The following LRP2 variants were observed in gnomAD, a reference collection of about 807,000 sequenced individuals.
LRP2 encodes low-density lipoprotein receptor-related protein 2.
In LRP2, 172 loss-of-function variants were observed where a neutral mutation model predicts 531.0. That is an observed-to-expected ratio of 0.32 (90% CI 0.29 to 0.37). The LOEUF is 0.37. LRP2 is among the 10% of genes least tolerant of loss of function. LRP2 has a pLI of 1.00. For synonymous variants in LRP2, 1,992 were observed against 2,027.6 expected (o/e 0.98, Z 0.47); for missense variants, 5,167 against 5,868.3 (o/e 0.88, Z 3.90).
At position 169,274,961 on chromosome 2, in the gene LRP2, T is replaced by C. The variant is rs963961221; in HGVS notation, c.1975+75A>G. 5 of 1,441,144 alleles carry C rather than the reference T, an allele frequency of 3.5e-6. No individual in the cohort carries two copies. The South Asian group carries it at 5.8e-5, about 17-fold the overall frequency. 89.3% of individuals were successfully genotyped at this position (1,441,144 alleles called of 1,614,324 possible). On this transcript the variant is annotated intron_variant, in intron 14 of 78. Coordinates refer to ENST00000649046, the MANE Select transcript of LRP2 (RefSeq NM_004525.3). ...CAAATCACATAAGACCCCTCATTAT[T>C]AACTTTCAAAGCTTTGAGAAAACCT...
At chr2:169,321,589 A>AT (rs540981264) in intron 1 of LRP2, among the ~76,000 whole-genome samples, 62 of 152,092 alleles carry the variant, frequency 4.1e-4, no homozygotes, top group Middle Eastern at 3.4e-3. Context: ...TTTTTAAGTG[A>AT]TTTTTTATTA....
chr2:169,215,180 A>G (rs943344484), intron 35 of LRP2, among the ~76,000 whole-genome samples: 10 of 152,206 alleles, frequency 6.6e-5, no homozygotes, highest in African/African-American at 2.4e-4. Context: ...ATAGGTCCAT[A>G]TTCGGAGTGA....
intron 50 of LRP2, among the ~76,000 whole-genome samples, chr2:169,183,219 C>A (rs901462538): frequency 4.6e-5 from 7 of 152,192 alleles, no homozygotes; most frequent in South Asian, 4.1e-4. Context: ...AACAAGTACG[C>A]GCTTAACCAT....
rs181110439 is a variant in LRP2 at position 169,213,840 on chromosome 2, G to A, written c.5857C>T (p.Arg1953Ter). 6.2e-7 allele frequency: 1 copy of A among 1,613,508 alleles called. No homozygotes were observed. Among genetic ancestry groups the A allele is most frequent in the Non-Finnish European group, 8.5e-7 (1 of 1,179,606 alleles). Residue 1953 changes from arginine (R) to a stop codon, truncating the protein, a stop_gained, in exon 36 of 79, where the codon CGA (arginine) becomes TGA (stop). Coordinates refer to ENST00000649046, the MANE Select transcript of LRP2 (RefSeq NM_004525.3). LOFTEE classifies it high-confidence loss of function. The stretch of plus-strand genomic sequence containing the variant: ...GAAAGCTGGTGTACCAGGATCATTC[G>A]ATCTGTTCCATCCACGTTTCCTCTT... Reference protein sequence around the residue: ...IERGNVDGTDRMILVHQLSHP... With the variant: ...IERGNVDGTD
chr2:169,226,771 G>C (rs1036207298), intron 31 of LRP2, among the ~76,000 whole-genome samples, 183 bp from the exon 32 acceptor site: 1 of 152,074 alleles, frequency 6.6e-6, no homozygotes, highest in Non-Finnish European at 1.5e-5. Flanking sequence ...GTGGGCTGCT[G>C]GACCACAAGA....
intron 67 of LRP2, 114 bp from the exon 68 acceptor site, chr2:169,151,140 C>T (rs1006738): frequency 1.9e-6 from 2 of 1,058,594 alleles, no homozygotes; most frequent in African/African-American, 1.6e-5. Context: ...TGCTCAGATA[C>T]CTATCATCAG....
chr2:169,315,454 G>A (rs1023736524), intron 3 of LRP2, among the ~76,000 whole-genome samples: 1 of 152,124 alleles, frequency 6.6e-6, no homozygotes, highest in Non-Finnish European at 1.5e-5. Flanking sequence ...AGTCAGGTAG[G>A]CCAAAAGCAA....
intron 30 of LRP2, among the ~76,000 whole-genome samples, chr2:169,232,627 A>G (rs1346212527): frequency 3.3e-5 from 5 of 152,176 alleles, no homozygotes; most frequent in Admixed American, 1.3e-4. Context: ...AGAGCGGTCA[A>G]TGAGGGCCTC....
chr2:169,185,101 G>A (rs914697628), intron 50 of LRP2, among the ~76,000 whole-genome samples: 2 of 152,274 alleles, frequency 1.3e-5, no homozygotes, highest in Non-Finnish European at 2.9e-5. Context: ...CTTCAGGAGA[G>A]CAAGGGCCAT....
At chr2:169,315,853 G>A (rs1684745155) in intron 3 of LRP2, among the ~76,000 whole-genome samples, 1 of 150,980 alleles carries the variant, frequency 6.6e-6, no homozygotes, top group Admixed American at 6.6e-5. Context: ...GTCAGACATG[G>A]TGGCTCACAC....
rs563877903 is a variant in LRP2, at chr2:169,200,166, G to A, written c.8453-1255C>T. Among the ~76,000 whole-genome samples, 5 of 152,152 alleles carry A rather than the reference G, an allele frequency of 3.3e-5. No individual in the cohort carries two copies. In the South Asian group the frequency reaches 1.0e-3, roughly 31 times the overall value. On this transcript the variant is annotated intron_variant, in intron 44 of 78. Transcript: ENST00000649046. ...CCCGGGAGGCTGAGGCAGGAGAATGGCGTGAACCCGGGAGGCAGAGCTTGC... is the reference window on the plus strand; with the variant it reads ...CCCGGGAGGCTGAGGCAGGAGAATGACGTGAACCCGGGAGGCAGAGCTTGC...
chr2:169,273,295 A>T (rs1187279599), intron 14 of LRP2, among the ~76,000 whole-genome samples: 1 of 152,098 alleles, frequency 6.6e-6, no homozygotes, highest in Non-Finnish European at 1.5e-5. Context: ...CGGTGGCAAA[A>T]AAAAAGAAAG....
chr2:169,348,619 C>T (rs1001208711), intron 1 of LRP2, among the ~76,000 whole-genome samples: 2 of 152,182 alleles, frequency 1.3e-5, no homozygotes, highest in Non-Finnish European at 2.9e-5. Context: ...AACACGAAGT[C>T]TAAAAACTTT....
chr2:169,258,574 G>C (rs1368910870), intron 17 of LRP2, among the ~76,000 whole-genome samples: 1 of 152,062 alleles, frequency 6.6e-6, no homozygotes, highest in Admixed American at 6.6e-5. Context: ...ACCAATTATA[G>C]AATGGTAAAA....
intron 35 of LRP2, among the ~76,000 whole-genome samples, chr2:169,214,966 T>A (rs959051833): frequency 2.0e-5 from 3 of 151,866 alleles, no homozygotes; most frequent in Admixed American, 6.6e-5. Flanking sequence ...GAAGGAGAAA[T>A]AAGGGAACTA....
chr2:169,214,615 C>T (rs1473215393), intron 35 of LRP2, among the ~76,000 whole-genome samples: 1 of 152,164 alleles, frequency 6.6e-6, no homozygotes, highest in Non-Finnish European at 1.5e-5. Context: ...GCTGATGAAA[C>T]TGATCAAAGT....
intron 2 of LRP2, among the ~76,000 whole-genome samples, chr2:169,319,576 C>G (rs1337590283): frequency 6.6e-6 from 1 of 152,192 alleles, no homozygotes; most frequent in Non-Finnish European, 1.5e-5. Context: ...TATTCCTTTA[C>G]CCCAGATACA....
intron 4 of LRP2, among the ~76,000 whole-genome samples, chr2:169,303,719 C>T (rs1445788283): frequency 6.6e-6 from 1 of 151,850 alleles, no homozygotes; most frequent in East Asian, 1.9e-4. Context: ...TGAAACTTAG[C>T]TATAAATAAA....
chr2:169,137,576 C>A, intron 75 of LRP2, 83 bp from the exon 76 acceptor site: 4 of 687,402 alleles, frequency 5.8e-6, no homozygotes, highest in Non-Finnish European at 2.4e-6. Context: ...GGTTCACACA[C>A]AAAGAAAGGT....
Sources: allele counts gnomAD v4.1 joint callset (sites outside exome capture counted in the v4.1 genomes callset), GRCh38; gene constraint gnomAD v4.1.1; transcripts MANE v1.5; gene names NCBI Gene and HGNC (gene_info 2026-07-23, HGNC 2026-07-21).